FTO: variants seen among roughly 807,000 people sequenced by gnomAD.
FTO encodes alpha-ketoglutarate-dependent dioxygenase FTO.
In FTO, 47 loss-of-function variants were observed where a neutral mutation model predicts 63.9. The ratio of observed to expected loss-of-function variants is 0.74; its 90% CI spans 0.58 to 0.94. The LOEUF is 0.94. FTO is among the 40% of genes least tolerant of loss of function. The pLI, the probability that FTO is intolerant of heterozygous loss-of-function variation, is 0.00. For synonymous variants in FTO, 207 were observed against 224.4 expected (o/e 0.92, Z 0.69); for missense variants, 562 against 618.1 (o/e 0.91, Z 0.96).
At chr16:53,749,994 A>G (rs1381802464) in intron 1 of FTO, among the ~76,000 whole-genome samples, 1 of 152,220 alleles carries the variant, frequency 6.6e-6, no homozygotes, top group Non-Finnish European at 1.5e-5. Context: ...TTGTTTCATC[A>G]GTTATCAAAG....
At chr16:54,077,524 C>G (rs908074929) in intron 8 of FTO, among the ~76,000 whole-genome samples, 10 of 152,188 alleles carry the variant, frequency 6.6e-5, no homozygotes, top group Admixed American at 2.0e-4. Context: ...CCGCCTCCCC[C>G]ACCAAGCTAC....
intron 8 of FTO, among the ~76,000 whole-genome samples, chr16:54,108,943 G>A (rs2144625132): frequency 6.6e-6 from 1 of 152,262 alleles, no homozygotes; most frequent in African/African-American, 2.4e-5. Flanking sequence ...AGTGACCTGA[G>A]CAAAAGAAAT....
intron 8 of FTO, among the ~76,000 whole-genome samples, chr16:54,084,071 C>A (rs1161053501): frequency 6.6e-6 from 1 of 152,132 alleles, no homozygotes; most frequent in Admixed American, 6.5e-5. Context: ...TGATGCTCAG[C>A]CAGTGAGTAT....
At chr16:53,941,231 A>G (rs1363086725) in intron 8 of FTO, among the ~76,000 whole-genome samples, 1 of 152,236 alleles carries the variant, frequency 6.6e-6, no homozygotes, top group Non-Finnish European at 1.5e-5. Context: ...ACTGTGCTAG[A>G]CACTGTGGGG....
intron 5 of FTO, 69 bp downstream of exon 5, chr16:53,873,934 C>T (rs2080575635): frequency 8.7e-7 from 1 of 1,151,858 alleles, no homozygotes; most frequent in African/African-American, 1.5e-5. Context: ...GAGCAATTTA[C>T]TATAGAGCTT....
intron 8 of FTO, among the ~76,000 whole-genome samples, chr16:54,104,619 C>T (rs984741732): frequency 6.6e-6 from 1 of 152,124 alleles, no homozygotes; most frequent in Non-Finnish European, 1.5e-5. Context: ...CTCCTGAGGC[C>T]TCTTAAGCCT....
chr16:53,968,272 C>G (rs1194853844), intron 8 of FTO, among the ~76,000 whole-genome samples: 1 of 152,130 alleles, frequency 6.6e-6, no homozygotes, highest in African/African-American at 2.4e-5. Context: ...CAATGTGTTG[C>G]AAAACATCAC....
At chr16:54,092,197 C>T (rs1443118027) in intron 8 of FTO, among the ~76,000 whole-genome samples, 2 of 152,202 alleles carry the variant, frequency 1.3e-5, no homozygotes, top group Admixed American at 1.3e-4. Flanking sequence ...TTGGGATGAT[C>T]ACTTGAGCCT....
chr16:53,760,205 G>GGTGTGTGTGT (rs1173270081), intron 1 of FTO, among the ~76,000 whole-genome samples: 14 of 125,596 alleles, frequency 1.1e-4, no homozygotes, highest in Admixed American at 5.1e-4. Flanking sequence ...CTTCAGCTTT[G>GGTGTGTGTGT]GTGTGTGTGT....
At chr16:53,762,986 C>T (rs184260681) in intron 1 of FTO, among the ~76,000 whole-genome samples, 1 of 149,264 alleles carries the variant, frequency 6.7e-6, no homozygotes, top group East Asian at 2.0e-4. Context: ...TAGCCTGATA[C>T]GATCTTACTT....
At chr16:54,022,014 T>C (rs1343410449) in intron 8 of FTO, among the ~76,000 whole-genome samples, 1 of 152,106 alleles carries the variant, frequency 6.6e-6, no homozygotes, top group Non-Finnish European at 1.5e-5. Flanking sequence ...TCAAGAAAAA[T>C]TTTACAGCAG....
intron 1 of FTO, among the ~76,000 whole-genome samples, chr16:53,728,488 C>T (rs1330301097): frequency 6.6e-6 from 1 of 152,086 alleles, no homozygotes; most frequent in African/African-American, 2.4e-5. Flanking sequence ...GTGCCAGGCC[C>T]TGGTCTAAGT....
intron 7 of FTO, among the ~76,000 whole-genome samples, chr16:53,900,490 T>A (rs2151924998): frequency 6.6e-6 from 1 of 152,232 alleles, no homozygotes; most frequent in South Asian, 2.1e-4. Context: ...ACTACTGAGA[T>A]ATTTTGATGA....
At chr16:53,782,074 G>A (rs759572304) in intron 1 of FTO, among the ~76,000 whole-genome samples, 23 of 152,120 alleles carry the variant, frequency 1.5e-4, no homozygotes, top group Non-Finnish European at 3.2e-4. Context: ...CCCCAGACAA[G>A]TGCCCGTATA....
chr16:53,742,843 T>G (rs1422430144), intron 1 of FTO, among the ~76,000 whole-genome samples: 1 of 152,190 alleles, frequency 6.6e-6, no homozygotes, highest in Non-Finnish European at 1.5e-5. Context: ...CTAGTGTGCC[T>G]TGAGTGGGTT....
intron 8 of FTO, among the ~76,000 whole-genome samples, chr16:54,099,023 G>A (rs1829762195): frequency 1.3e-5 from 2 of 152,190 alleles, no homozygotes; most frequent in Admixed American, 1.3e-4. Flanking sequence ...AAGCAACAGG[G>A]AAGTCATGAG....
At chr16:53,750,060 G>A (rs1231457431) in intron 1 of FTO, among the ~76,000 whole-genome samples, 1 of 152,150 alleles carries the variant, frequency 6.6e-6, no homozygotes, top group Non-Finnish European at 1.5e-5. Context: ...AAAAGAATAA[G>A]TAGTAAGAAG....
At chr16:53,949,568 A>C (rs7203181) in intron 8 of FTO, among the ~76,000 whole-genome samples, 78,694 of 152,004 alleles carry the variant, frequency 0.52, 22,325 homozygotes, top group Middle Eastern at 0.65. Flanking sequence ...CCATTTCATT[A>C]AAATAAGCCA....
At chr16:53,948,990 TTGG>T (rs2082711583) in intron 8 of FTO, among the ~76,000 whole-genome samples, 1 of 152,214 alleles carries the variant, frequency 6.6e-6, no homozygotes, top group Admixed American at 6.5e-5. Flanking sequence ...TGCCTTGAAC[TTGG>T]CACTATTTCA....
Sources: allele counts gnomAD v4.1 joint callset (sites outside exome capture counted in the v4.1 genomes callset), GRCh38; gene constraint gnomAD v4.1.1; transcripts MANE v1.5; gene names NCBI Gene and HGNC (gene_info 2026-07-23, HGNC 2026-07-21).